The following CACNA2D1 variants were observed in gnomAD, a reference collection of about 807,000 sequenced individuals.
The protein encoded by CACNA2D1 is voltage-dependent calcium channel subunit alpha-2/delta-1.
In CACNA2D1, 53 loss-of-function variants were observed where a neutral mutation model predicts 171.5. That is an observed-to-expected ratio of 0.31 (90% CI 0.25 to 0.39). The LOEUF is 0.39. Among genes scored for constraint, CACNA2D1 ranks in the 10% least tolerant of loss-of-function variants. The pLI, the probability that CACNA2D1 is intolerant of heterozygous loss-of-function variation, is 1.00. For synonymous variants in CACNA2D1, 442 were observed against 443.1 expected, an observed-to-expected ratio of 1.00 and a Z score of 0.03; for missense variants, 903 against 1,299.8, an observed-to-expected ratio of 0.69 and a Z score of 4.69.
In CACNA2D1 at chr7:82,332,536, AAGAAAGAAAGAAAG is replaced by A. The variant is rs1196722606; in HGVS notation, c.294+2585_294+2598del. 5.5e-3 allele frequency among the ~76,000 whole-genome samples: 428 copies of A among 78,326 alleles called. 2 individuals carry two copies. The highest frequency in any genetic ancestry group is 0.013 in the Middle Eastern group (2 of 154). The allele number at this position is 78,326 out of a possible 152,430, so 51.4% of individuals were successfully genotyped here. A position where few individuals can be genotyped will look rare whatever the true frequency, so the allele number is the denominator to read the frequency against. The stretch of plus-strand genomic sequence containing the variant: ...AAAGAAAGAAAGAAAGAAAGAAAGA[AAGAAAGAAAGAAAG>A]AAAGAAAGAAAGAAAGAACGAACAG... On this transcript the variant is annotated intron_variant, in intron 3 of 38. Coordinates refer to ENST00000356860, the MANE Select transcript of CACNA2D1 (RefSeq NM_000722.4).
In CACNA2D1 at chr7:82,217,268, G is replaced by C. The variant is rs552147514; in HGVS notation, c.295-46659C>G. ...TCCTGAAGCTGTAAGATTTAAAAGA[G>C]GACAATCAACTAATAAAGATAAACA... On this transcript the variant is annotated intron_variant, in intron 3 of 38. Transcript: ENST00000356860. Among the ~76,000 whole-genome samples, 222 of 151,098 alleles carry C rather than the reference G, an allele frequency of 1.5e-3. 3 individuals are homozygous for C. The highest frequency in any genetic ancestry group is 5.2e-3 in the African/African-American group (213 of 41,128).
At chr7:82,229,203 T>G (rs1802652246) in intron 3 of CACNA2D1, among the ~76,000 whole-genome samples, 1 of 152,136 alleles carries the variant, frequency 6.6e-6, no homozygotes, top group Non-Finnish European at 1.5e-5. Context: ...GTGTAACTCC[T>G]TTTGGAGAAC....
chr7:82,366,903 C>CTTTTTTTTTTTTTTTT lies in CACNA2D1; in HGVS notation c.96-17270_96-17255dup, dbSNP rs71093376. ...CCTGCCAGCATCCACTGGTTTTGAC[C>CTTTTTTTTTTTTTTTT]TTTTTTTTTTTTTTTTTTTTTTTGA... On this transcript the variant is annotated intron_variant, in intron 1 of 38. Coordinates refer to ENST00000356860, the MANE Select transcript of CACNA2D1 (RefSeq NM_000722.4). Among the ~76,000 whole-genome samples, 41 of 86,968 alleles carry CTTTTTTTTTTTTTTTT rather than the reference C, an allele frequency of 4.7e-4. 2 individuals carry two copies. The highest frequency in any genetic ancestry group is 1.7e-3 in the East Asian group (5 of 2,930). 57.1% of individuals were successfully genotyped at this position (86,968 alleles called of 152,430 possible).
intron 24 of CACNA2D1, among the ~76,000 whole-genome samples, chr7:81,979,614 G>T (rs750286450): frequency 6.6e-6 from 1 of 152,090 alleles, no homozygotes; most frequent in Non-Finnish European, 1.5e-5. Context: ...TAAATTGTTT[G>T]CTATGTTAAT....
At chr7:81,996,265 C>T (rs37102) in intron 19 of CACNA2D1, among the ~76,000 whole-genome samples, 5,981 of 152,210 alleles carry the variant, frequency 0.039, 366 homozygotes, top group African/African-American at 0.13. Context: ...GTCCCCATTA[C>T]TTTATCCTAC....
In CACNA2D1 at chr7:81,962,633, A is replaced by AAATT. The variant is rs3217083; in HGVS notation, c.2781-142_2781-139dup. On this transcript the variant is annotated intron_variant, in intron 34 of 38. Transcript: ENST00000356860. Reference sequence around the variant, plus strand: ...GAGTGTTTTTATTTAAGTATTTTCAAAATTATATAACACATTGTAACCTTT... The same window carrying AAATT: ...GAGTGTTTTTATTTAAGTATTTTCAAAATTAATTATATAACACATTGTAACCTTT... 140,180 of 654,756 alleles carry AAATT rather than the reference A, an allele frequency of 0.21. 15,780 individuals carry two copies. Among genetic ancestry groups the AAATT allele is most frequent in the African/African-American group, 0.27 (14,871 of 54,104 alleles). The allele number at this position is 654,756 out of a possible 1,614,324, so 40.6% of individuals were successfully genotyped here. A position where few individuals can be genotyped will look rare whatever the true frequency, so the allele number is the denominator to read the frequency against.
chr7:82,419,233 C>G (rs920165363), intron 1 of CACNA2D1, among the ~76,000 whole-genome samples: 3 of 152,050 alleles, frequency 2.0e-5, no homozygotes, highest in African/African-American at 7.2e-5. Flanking sequence ...TGAAAAAAGC[C>G]AAGCACTTTC....
At chr7:81,987,959 G>A (rs1016701355) in intron 21 of CACNA2D1, among the ~76,000 whole-genome samples, 1 of 152,168 alleles carries the variant, frequency 6.6e-6, no homozygotes, top group Non-Finnish European at 1.5e-5. Context: ...ACATGAACTC[G>A]AGAAAAGAAC....
At chr7:82,174,031 A>G (rs1471207383) in intron 3 of CACNA2D1, among the ~76,000 whole-genome samples, 1 of 128,740 alleles carries the variant, frequency 7.8e-6, no homozygotes, top group Non-Finnish European at 1.6e-5. Context: ...CTATAGTGCA[A>G]GACCCTGTCT....
intron 20 of CACNA2D1, among the ~76,000 whole-genome samples, chr7:81,993,526 C>T (rs1041934570): frequency 2.6e-5 from 4 of 152,100 alleles, no homozygotes; most frequent in African/African-American, 9.7e-5. Flanking sequence ...TGCCAAACCC[C>T]TTACATAGAC....
Position 82,168,925 on chromosome 7 carries a change from G to A in CACNA2D1, c.354+1625C>T, listed in dbSNP as rs545096977. On this transcript the variant is annotated intron_variant, in intron 4 of 38. Transcript: ENST00000356860. ...TTTGTGTGTCTGTTTTGAGTTCTCC[G>A]AATTACTGAAGATTCAAACTAAAAC... Among the ~76,000 whole-genome samples, 23 of 152,028 alleles carry A rather than the reference G, an allele frequency of 1.5e-4. No individual in the cohort carries two copies. The East Asian group carries it at 3.3e-3, about 22-fold the overall frequency.
intron 3 of CACNA2D1, among the ~76,000 whole-genome samples, chr7:82,255,430 T>G (rs1806180747): frequency 1.3e-5 from 2 of 152,200 alleles, no homozygotes; most frequent in Admixed American, 6.5e-5. Flanking sequence ...GGTGAGCACT[T>G]TATAAATATG....
In CACNA2D1 at chr7:82,032,817, T is replaced by G; in HGVS notation, c.1123A>C (p.Lys375Gln). The G allele has an allele frequency of 6.5e-7, 1 of 1,548,536 alleles. No individual in the cohort carries two copies. Among genetic ancestry groups the G allele is most frequent in the Non-Finnish European group, 8.9e-7 (1 of 1,123,330 alleles). ...CTCACTTTTTTATCTTTATTGTATT[T>G]GTTAAATATCTCCTGGGCTCTCTCT... ...GEERAQEIFNKYNKDKKVRVF... is the reference protein window; with the variant it reads ...GEERAQEIFNQYNKDKKVRVF... The change falls in exon 12 of 39, where the codon AAA becomes CAA. Residue 375 changes from lysine to glutamine, a missense_variant. Lys to Gln is a moderately conservative substitution (Grantham distance 53). Transcript: ENST00000356860.
intron 12 of CACNA2D1, chr7:82,027,770 T>G (rs1347016290): frequency 6.6e-6 from 1 of 151,752 alleles, no homozygotes; most frequent in African/African-American, 2.4e-5. Flanking sequence ...TAGTTTAATC[T>G]TTTTCATTAT....
chr7:82,364,772 T>C (rs186274707), intron 1 of CACNA2D1, among the ~76,000 whole-genome samples: 62 of 152,294 alleles, frequency 4.1e-4, no homozygotes, highest in African/African-American at 1.4e-3. Context: ...AAAAGGTTTC[T>C]AATTGCCATC....
chr7:81,997,562 T>C (rs566933570), intron 18 of CACNA2D1, among the ~76,000 whole-genome samples: 242 of 151,828 alleles, frequency 1.6e-3, no homozygotes, highest in African/African-American at 5.3e-3. Flanking sequence ...TTCACAACTT[T>C]CTTTTCATTA....
rs764179836 is a variant in CACNA2D1, at chr7:82,435,030, C to CTTTTTT, written c.95+8329_95+8334dup. Among the ~76,000 whole-genome samples, 31 of 84,356 alleles carry CTTTTTT rather than the reference C, an allele frequency of 3.7e-4. 1 individual carries two copies. The highest frequency in any genetic ancestry group is 5.0e-4 in the Non-Finnish European group (23 of 45,874). 55.3% of individuals were successfully genotyped at this position (84,356 alleles called of 152,430 possible). On this transcript the variant is annotated intron_variant, in intron 1 of 38. Coordinates refer to ENST00000356860, the MANE Select transcript of CACNA2D1 (RefSeq NM_000722.4). Reference sequence around the variant, plus strand: ...TTTGTCTCCAAACTCTCTTCAGATACTTTTTTTTTTTTTTTTTTTTTTTGA... The same window carrying CTTTTTT: ...TTTGTCTCCAAACTCTCTTCAGATACTTTTTTTTTTTTTTTTTTTTTTTTTTTTTGA...
chr7:82,184,378 G>GA (rs1797455184), intron 3 of CACNA2D1, among the ~76,000 whole-genome samples: 1 of 151,586 alleles, frequency 6.6e-6, no homozygotes, highest in East Asian at 1.9e-4. Context: ...CTAATAATCT[G>GA]AAAAAAATAT....
chr7:82,380,853 C>T (rs1227588006), intron 1 of CACNA2D1, among the ~76,000 whole-genome samples: 1 of 151,878 alleles, frequency 6.6e-6, no homozygotes. Context: ...TGCCACCACA[C>T]CCGGCTAATT....
Sources: allele counts gnomAD v4.1 joint callset (sites outside exome capture counted in the v4.1 genomes callset), GRCh38; gene constraint gnomAD v4.1.1; transcripts MANE v1.5; gene names NCBI Gene and HGNC (gene_info 2026-07-23, HGNC 2026-07-21).